The following LRP1B variants were observed in gnomAD, a reference collection of about 807,000 sequenced individuals.
LRP1B encodes LDL receptor related protein 1B, also known as low-density lipoprotein receptor-related protein 1B.
LRP1B carries 217 observed loss-of-function variants against 556.6 expected under a neutral mutation model. The ratio of observed to expected loss-of-function variants is 0.39; its 90% CI spans 0.35 to 0.44. LRP1B has a LOEUF of 0.44. Ranked by LOEUF, LRP1B falls within the 20% of genes least tolerant of loss-of-function variation. The probability of loss-of-function intolerance (pLI) is 1.00; values close to 1 mark genes in which losing one functional copy is unlikely to be tolerated. For missense variants in LRP1B, 5,053 were observed against 5,620.8 expected (o/e 0.90, Z 3.23); for synonymous variants, 2,047 against 1,865.8 (o/e 1.10, Z -2.50).
chr2:140,244,414 A>G (rs912589990), intron 87 of LRP1B, among the ~76,000 whole-genome samples: 1 of 151,336 alleles, frequency 6.6e-6, no homozygotes, highest in Middle Eastern at 3.2e-3. Flanking sequence ...TGTCTTTCAT[A>G]ATTTCAGCGG....
At chr2:141,891,409 T>C (rs1361690248) in intron 1 of LRP1B, among the ~76,000 whole-genome samples, 1 of 152,144 alleles carries the variant, frequency 6.6e-6, no homozygotes, top group Non-Finnish European at 1.5e-5. Context: ...AGCATTCCCT[T>C]ATCTCCAAAT....
chr2:141,254,785 A>G lies in LRP1B; in HGVS notation c.344-144T>C, dbSNP rs1684397759. On this transcript the variant is annotated intron_variant, in intron 3 of 90. Transcript: ENST00000389484. ...TTGGTCTAGAAAAAAATATTTACCT[A>G]AAATATGTTAGTTTACATTTGCTTG... is the stretch of plus-strand genomic sequence containing the variant. 1.1e-5 allele frequency: 6 copies of G among 555,688 alleles called. No individual in the cohort carries two copies. In the East Asian group the frequency reaches 2.0e-4, roughly 19 times the overall value. The allele number at this position is 555,688 out of a possible 1,614,324, so 34.4% of individuals were successfully genotyped here. A position where few individuals can be genotyped will look rare whatever the true frequency, so the allele number is the denominator to read the frequency against.
Position 141,078,745 on chromosome 2 carries a change from T to C in LRP1B, c.1014-16472A>G, listed in dbSNP as rs141348151. 8.7e-4 allele frequency among the ~76,000 whole-genome samples: 133 copies of C among 152,290 alleles called. 2 individuals are homozygous for C. Among genetic ancestry groups the C allele is most frequent in the South Asian group, 3.9e-3 (19 of 4,822 alleles). ...AGGCTGCTTTTAAGTATTATATCAATAGTGGGTCTACTAACCAGAATTTAC... is the reference window on the plus strand; with the variant it reads ...AGGCTGCTTTTAAGTATTATATCAACAGTGGGTCTACTAACCAGAATTTAC... On this transcript the variant is annotated intron_variant, in intron 7 of 90. Transcript: ENST00000389484.
chr2:141,184,338 G>A (rs1323674420), intron 7 of LRP1B, among the ~76,000 whole-genome samples: 2 of 151,946 alleles, frequency 1.3e-5, no homozygotes, highest in East Asian at 3.9e-4. Flanking sequence ...GAAAACAGCA[G>A]AAGCAGATGT....
chr2:140,442,692 C>A, intron 65 of LRP1B, 69 bp from the exon 66 acceptor site: 1 of 1,482,770 alleles, frequency 6.7e-7, no homozygotes, highest in Non-Finnish European at 9.3e-7. Flanking sequence ...GCAAATTTTA[C>A]AGACAAATGT....
chr2:140,839,682 C>T (rs186747257), intron 31 of LRP1B, among the ~76,000 whole-genome samples: 2 of 152,296 alleles, frequency 1.3e-5, no homozygotes, highest in Admixed American at 6.5e-5. Context: ...TTTTAGGACT[C>T]GGACTAGTTT....
At chr2:141,727,314 T>TGTTTAA (rs1453572353) in intron 2 of LRP1B, among the ~76,000 whole-genome samples, 1 of 152,130 alleles carries the variant, frequency 6.6e-6, no homozygotes, top group Non-Finnish European at 1.5e-5. Flanking sequence ...TATTAAATAA[T>TGTTTAA]TGCCCCAAGG....
At chr2:141,045,005 G>T (rs997828339) in intron 11 of LRP1B, among the ~76,000 whole-genome samples, 5 of 151,508 alleles carry the variant, frequency 3.3e-5, no homozygotes, top group Non-Finnish European at 7.4e-5. Context: ...TGATAGCAAA[G>T]ACTTGGAACC....
At chr2:141,969,866 G>T (rs1460660955) in intron 1 of LRP1B, among the ~76,000 whole-genome samples, 6 of 151,398 alleles carry the variant, frequency 4.0e-5, no homozygotes, top group African/African-American at 1.5e-4. Flanking sequence ...TTCCATAATG[G>T]CTTTATTAAT....
At chr2:140,655,984 C>G (rs1011039734) in intron 41 of LRP1B, among the ~76,000 whole-genome samples, 1 of 151,778 alleles carries the variant, frequency 6.6e-6, no homozygotes, top group Non-Finnish European at 1.5e-5. Flanking sequence ...ACATTTATCT[C>G]TTTACTAGTT....
chr2:140,942,585 A>G (rs752079193), intron 20 of LRP1B, among the ~76,000 whole-genome samples: 4 of 152,148 alleles, frequency 2.6e-5, no homozygotes, highest in Non-Finnish European at 5.9e-5. Context: ...GACAAATGTC[A>G]GACTCCTCTG....
At chr2:141,969,814 T>C (rs1212041808) in intron 1 of LRP1B, among the ~76,000 whole-genome samples, 2 of 151,660 alleles carry the variant, frequency 1.3e-5, no homozygotes, top group Non-Finnish European at 3.0e-5. Context: ...TTCTGTATCA[T>C]ATAATTCTAT....
chr2:140,661,983 T>A (rs1257866569), intron 41 of LRP1B, among the ~76,000 whole-genome samples: 1 of 152,112 alleles, frequency 6.6e-6, no homozygotes, highest in Non-Finnish European at 1.5e-5. Context: ...CTGAATTCTC[T>A]CTTTTATCAT....
chr2:140,467,166 A>G (rs540357335), intron 60 of LRP1B, among the ~76,000 whole-genome samples: 3 of 152,114 alleles, frequency 2.0e-5, no homozygotes, highest in Non-Finnish European at 4.4e-5. Flanking sequence ...TCTCAAATTT[A>G]TAACAAATTT....
chr2:141,855,627 G>C (rs977152063), intron 1 of LRP1B, among the ~76,000 whole-genome samples: 3 of 152,172 alleles, frequency 2.0e-5, no homozygotes, highest in African/African-American at 7.2e-5. Flanking sequence ...CACAATTCCT[G>C]TTCTCCACTT....
intron 2 of LRP1B, among the ~76,000 whole-genome samples, chr2:141,574,644 C>T (rs879333729): frequency 1.3e-4 from 20 of 152,152 alleles, no homozygotes; most frequent in South Asian, 2.1e-4. Context: ...ATTATTCACA[C>T]AGGAAGAAAG....
chr2:142,024,620 G>GTTTTTTTT (rs3041443), intron 1 of LRP1B, among the ~76,000 whole-genome samples: 37 of 130,964 alleles, frequency 2.8e-4, no homozygotes, highest in Middle Eastern at 4.3e-3. Context: ...CAGCTGAAAT[G>GTTTTTTTT]TTTTTTTTTT....
chr2:140,315,196 T>G, intron 82 of LRP1B, 97 bp from the exon 83 acceptor site: 1 of 802,628 alleles, frequency 1.2e-6, no homozygotes, highest in Non-Finnish European at 1.8e-6. Context: ...TAGGATCTTG[T>G]GTTTCCATAA....
chr2:141,148,781 CTT>C (rs1701847599), intron 7 of LRP1B, among the ~76,000 whole-genome samples: 1 of 152,196 alleles, frequency 6.6e-6, no homozygotes, highest in African/African-American at 2.4e-5. Context: ...TAGAGTGACT[CTT>C]ATAGAAATAA....
Sources: gnomAD v4.1 joint callset for allele counts (sites outside exome capture counted in the v4.1 genomes callset) on GRCh38, gnomAD v4.1.1 for gene constraint, MANE v1.5 for transcripts, NCBI Gene and HGNC (gene_info 2026-07-23, HGNC 2026-07-21) for gene names.